The following MMD2 variants were observed in gnomAD, a reference collection of about 807,000 sequenced individuals.
MMD2 encodes the protein monocyte to macrophage differentiation associated 2.
A neutral mutation model predicts 33.5 loss-of-function variants in MMD2; 30 were observed. The ratio of observed to expected loss-of-function variants is 0.90; its 90% CI spans 0.67 to 1.22. The LOEUF (loss-of-function observed/expected upper bound fraction) is 1.22. Among genes scored for constraint, MMD2 ranks in the 50% most tolerant of loss-of-function variants. The pLI, the probability that MMD2 is intolerant of heterozygous loss-of-function variation, is 0.00. For synonymous variants in MMD2, 129 were observed against 123.0 expected, an observed-to-expected ratio of 1.05 and a Z score of -0.32; for missense variants, 364 against 325.4, an observed-to-expected ratio of 1.12 and a Z score of -0.91.
intron 2 of MMD2, among the ~76,000 whole-genome samples, chr7:4,923,094 T>G (rs1459799558): frequency 6.6e-6 from 1 of 151,664 alleles, no homozygotes. Flanking sequence ...GCAGAATCAA[T>G]TCAGCACTTT....
intron 2 of MMD2, among the ~76,000 whole-genome samples, chr7:4,923,533 T>A (rs1785339972): frequency 6.6e-6 from 1 of 152,134 alleles, no homozygotes; most frequent in Admixed American, 6.6e-5. Flanking sequence ...ACGATGTCCA[T>A]TCTACAGATA....
In MMD2 at chr7:4,906,051, AC is replaced by A. The variant is rs1784860682; in HGVS notation, c.*1344del. On this transcript the variant is annotated 3_prime_UTR_variant, in exon 7 of 7. Coordinates refer to ENST00000401401, the MANE Select transcript of MMD2 (RefSeq NM_198403.4). ...GACACACTGGATTCCAGGTGCAGGA[AC>A]CCTGGAACCCCCTGGAATGTGCTAG... is the stretch of plus-strand genomic sequence containing the variant. 2.6e-5 allele frequency: 4 copies of A among 156,538 alleles called. No homozygotes were observed. In the South Asian group the frequency reaches 6.2e-4, roughly 24 times the overall value. 9.7% of individuals were successfully genotyped at this position (156,538 alleles called of 1,614,324 possible). A position where few individuals can be genotyped will look rare whatever the true frequency, so the allele number is the denominator to read the frequency against.
chr7:4,908,300 C>A (rs1784917121), intron 6 of MMD2, among the ~76,000 whole-genome samples: 1 of 151,512 alleles, frequency 6.6e-6, no homozygotes, highest in African/African-American at 2.4e-5. Context: ...CACCACCATG[C>A]CCGGCTAATT....
intron 1 of MMD2, among the ~76,000 whole-genome samples, chr7:4,953,659 C>G (rs1013175097): frequency 5.9e-5 from 9 of 151,538 alleles, no homozygotes; most frequent in African/African-American, 2.2e-4. Context: ...TTAGTAGAGA[C>G]AGGGTTTCAC....
chr7:4,911,085 T>C, intron 5 of MMD2, 60 bp downstream of exon 5: 1 of 1,383,338 alleles, frequency 7.2e-7, no homozygotes, highest in African/African-American at 1.4e-5. Context: ...CCAGGAGTGC[T>C]GGGGAGGCCA....
chr7:4,909,883 TGGAGA>T lies in MMD2; in HGVS notation c.530_534del (p.Leu177HisfsTer27). 6.2e-7 allele frequency: 1 copy of T among 1,612,296 alleles called. No homozygotes were observed. The highest frequency in any genetic ancestry group is 8.5e-7 in the Non-Finnish European group (1 of 1,179,150). On this transcript the variant is annotated frameshift_variant, in exon 6 of 7. Coordinates refer to ENST00000401401, the MANE Select transcript of MMD2 (RefSeq NM_198403.4). LOFTEE classifies it high-confidence loss of function. The stretch of plus-strand genomic sequence containing the variant: ...TATGCAGGGCTGGCAGCACTTACCA[TGGAGA>T]GGATGACCAGGGCGGGGAAGAAGCC...
intron 1 of MMD2, among the ~76,000 whole-genome samples, chr7:4,933,884 C>T (rs1304145175): frequency 6.6e-6 from 1 of 151,266 alleles, no homozygotes; most frequent in African/African-American, 2.4e-5. Flanking sequence ...CCTCTGGCCT[C>T]AGCCTCCCAA....
chr7:4,930,357 A>G (rs1449684108), intron 1 of MMD2, among the ~76,000 whole-genome samples: 2 of 133,500 alleles, frequency 1.5e-5, no homozygotes, highest in East Asian at 4.8e-4. Flanking sequence ...AAGACAAAAC[A>G]GGCCGGGCAT....
At chr7:4,901,003 G>A (rs1022555027), downstream of MMD2, among the ~76,000 whole-genome samples, 4 of 151,858 alleles carry the variant, frequency 2.6e-5, no homozygotes, top group African/African-American at 9.7e-5. Flanking sequence ...AGCCGGGTAT[G>A]GTGGTGGGCG....
At chr7:4,919,638 C>T (rs1485022270) in intron 3 of MMD2, among the ~76,000 whole-genome samples, 1 of 152,102 alleles carries the variant, frequency 6.6e-6, no homozygotes, top group East Asian at 1.9e-4. Context: ...GTAATCCCAA[C>T]ACTTTGGGAG....
chr7:4,904,213 A>G (rs991788639), downstream of MMD2, among the ~76,000 whole-genome samples: 1 of 152,036 alleles, frequency 6.6e-6, no homozygotes, highest in Non-Finnish European at 1.5e-5. Flanking sequence ...AATTACAGGC[A>G]TGAGCCACTG....
At chr7:4,904,185 G>A (rs554715642), downstream of MMD2, among the ~76,000 whole-genome samples, 22 of 152,082 alleles carry the variant, frequency 1.4e-4, no homozygotes, top group African/African-American at 4.3e-4. Flanking sequence ...CACCCACCTC[G>A]GCCTCCCAAA....
chr7:4,943,055 G>C, intron 1 of MMD2, among the ~76,000 whole-genome samples: 1 of 137,884 alleles, frequency 7.3e-6, no homozygotes, highest in South Asian at 2.4e-4. Flanking sequence ...TGTCACCCAG[G>C]CTGGAGTGCA....
chr7:4,957,748 T>C (rs1292257449), intron 1 of MMD2, among the ~76,000 whole-genome samples: 1 of 151,974 alleles, frequency 6.6e-6, no homozygotes, highest in Non-Finnish European at 1.5e-5. Context: ...GTGCATCACA[T>C]CTCTGGGTGG....
At chr7:4,919,439 A>T (rs1785219237) in intron 3 of MMD2, among the ~76,000 whole-genome samples, 1 of 151,856 alleles carries the variant, frequency 6.6e-6, no homozygotes, top group East Asian at 1.9e-4. Flanking sequence ...GCATGATGGC[A>T]CACACCTGTG....
rs766245784 is a variant in MMD2 at position 4,925,544 on chromosome 7, G to T, written c.48-12C>A. On this transcript the variant is annotated splice_polypyrimidine_tract_variant and intron_variant, in intron 1 of 6. Coordinates refer to ENST00000401401, the MANE Select transcript of MMD2 (RefSeq NM_198403.4). ...GGTGGTTCATGAACCTGGAAGGAGA[G>T]GGAGAATTCCAGGAAGCTCCGCTGG... 3 of 1,555,838 alleles carry T rather than the reference G, an allele frequency of 1.9e-6. No individual in the cohort carries two copies. Among genetic ancestry groups the T allele is most frequent in the Non-Finnish European group, 2.6e-6 (3 of 1,149,322 alleles).
intron 2 of MMD2, 140 bp downstream of exon 2, chr7:4,925,310 GC>G (rs58043063): frequency 0.17 from 91,285 of 545,786 alleles, 8,357 homozygotes; most frequent in East Asian, 0.29. Flanking sequence ...CCCTCGAGAC[GC>G]CACAGTGGCC....
chr7:4,918,260 T>C (rs966380561), intron 3 of MMD2, among the ~76,000 whole-genome samples: 1 of 152,166 alleles, frequency 6.6e-6, no homozygotes, highest in African/African-American at 2.4e-5. Flanking sequence ...TACAAAGCAA[T>C]CACTGACCAG....
intron 1 of MMD2, among the ~76,000 whole-genome samples, chr7:4,932,608 C>T (rs1170949243): frequency 1.3e-5 from 2 of 149,164 alleles, no homozygotes; most frequent in African/African-American, 2.4e-5. Context: ...GCCCTGTCCC[C>T]TGTCCTCTGT....
Sources: allele counts gnomAD v4.1 joint callset (sites outside exome capture counted in the v4.1 genomes callset), GRCh38; gene constraint gnomAD v4.1.1; transcripts MANE v1.5; gene names NCBI Gene and HGNC (gene_info 2026-07-23, HGNC 2026-07-21).